RUNX2: variants seen among roughly 807,000 people sequenced by gnomAD.
RUNX2 encodes the protein runt-related transcription factor 2.
In RUNX2, 10 loss-of-function variants were observed where a neutral mutation model predicts 51.7. The ratio of observed to expected loss-of-function variants is 0.19; its 90% CI spans 0.12 to 0.33. RUNX2 has a LOEUF of 0.33. RUNX2 is among the 10% of genes least tolerant of loss of function. The pLI, the probability that RUNX2 is intolerant of heterozygous loss-of-function variation, is 1.00. For synonymous variants in RUNX2, 276 were observed against 273.6 expected, an observed-to-expected ratio of 1.01 and a Z score of -0.09; for missense variants, 562 against 691.3, an observed-to-expected ratio of 0.81 and a Z score of 2.10.
chr6:45,356,582 G>A (rs1268679656), intron 2 of RUNX2, among the ~76,000 whole-genome samples: 1 of 151,310 alleles, frequency 6.6e-6, no homozygotes, highest in Non-Finnish European at 1.5e-5. Flanking sequence ...TTTTTTTTTA[G>A]TAGAGACAGG....
intron 5 of RUNX2, among the ~76,000 whole-genome samples, chr6:45,449,275 C>T (rs1799089397): frequency 6.6e-6 from 1 of 152,158 alleles, no homozygotes. Context: ...GGGAGTAACT[C>T]CTAAGGAATG....
chr6:45,454,367 G>C (rs997774011), intron 5 of RUNX2, among the ~76,000 whole-genome samples: 7 of 152,192 alleles, frequency 4.6e-5, no homozygotes, highest in Non-Finnish European at 2.9e-5. Flanking sequence ...GACACTGAAG[G>C]ATGAAATGTA....
Position 45,546,985 on chromosome 6 carries a change from A to G in RUNX2, c.1246A>G (p.Thr416Ala). 4 of 1,613,406 alleles carry G rather than the reference A, an allele frequency of 2.5e-6. No individual in the cohort carries two copies. The highest frequency in any genetic ancestry group is 3.4e-6 in the Non-Finnish European group (4 of 1,179,858). ...CATGTCCCTCGGTATGTCCGCCACC[A>G]CTCACTACCACACCTACCTGCCACC... Reference protein sequence around the residue: ...SGMSLGMSATTHYHTYLPPPY... With the variant: ...SGMSLGMSATAHYHTYLPPPY... Residue 416 changes from threonine to alanine, a missense_variant, in exon 9 of 9, where the codon ACT (threonine) becomes GCT (alanine). By Grantham distance (58) the Thr-to-Ala change is moderately conservative. Coordinates refer to ENST00000647337, the MANE Select transcript of RUNX2 (RefSeq NM_001024630.4).
intron 2 of RUNX2, among the ~76,000 whole-genome samples, chr6:45,339,680 T>C (rs1789353541): frequency 6.6e-6 from 1 of 152,154 alleles, no homozygotes; most frequent in Non-Finnish European, 1.5e-5. Context: ...TCTATTAGGT[T>C]CAAATAGCTA....
chr6:45,341,564 C>T (rs1364389761), intron 2 of RUNX2, among the ~76,000 whole-genome samples: 1 of 152,136 alleles, frequency 6.6e-6, no homozygotes, highest in Admixed American at 6.6e-5. Flanking sequence ...TCATTAGAAA[C>T]ATCCACTGAA....
At chr6:45,352,295 C>T (rs1251582554) in intron 2 of RUNX2, among the ~76,000 whole-genome samples, 1 of 152,110 alleles carries the variant, frequency 6.6e-6, no homozygotes. Flanking sequence ...GCAAACCCCT[C>T]TCAAAACTGA....
chr6:45,487,233 C>T (rs1563107795), intron 5 of RUNX2, among the ~76,000 whole-genome samples: 3 of 152,092 alleles, frequency 2.0e-5, no homozygotes, highest in Admixed American at 1.3e-4. Flanking sequence ...CTATTATGAG[C>T]TGAAATAAGC....
At chr6:45,508,025 C>T (rs369696105) in intron 6 of RUNX2, among the ~76,000 whole-genome samples, 52 of 151,978 alleles carry the variant, frequency 3.4e-4, no homozygotes, top group Admixed American at 7.2e-4. Flanking sequence ...ATCTTAGATA[C>T]GTAATTTGTC....
rs146709154 is a variant in RUNX2, at chr6:45,415,292, A to G, written c.59-7301A>G. On this transcript the variant is annotated intron_variant, in intron 2 of 8. Coordinates refer to ENST00000647337, the MANE Select transcript of RUNX2 (RefSeq NM_001024630.4). ...GGAAGAACTAAAAATAACTCTAAAG[A>G]ATACAGGAATAACAGCATCCACTAC... Among the ~76,000 whole-genome samples the G allele has an allele frequency of 1.1e-4, 16 of 152,344 alleles. No homozygotes were observed. In the East Asian group the frequency reaches 2.3e-3, roughly 22 times the overall value.
At chr6:45,460,159 A>G (rs902548983) in intron 5 of RUNX2, among the ~76,000 whole-genome samples, 5 of 152,216 alleles carry the variant, frequency 3.3e-5, no homozygotes, top group African/African-American at 1.2e-4. Context: ...AAATAATTTT[A>G]GATAGAGAAG....
chr6:45,430,242 C>A (rs1374234716), intron 3 of RUNX2, among the ~76,000 whole-genome samples: 1 of 152,124 alleles, frequency 6.6e-6, no homozygotes, highest in Admixed American at 6.5e-5. Flanking sequence ...AGGAGTGAGT[C>A]CCTCAGCTTT....
intron 2 of RUNX2, among the ~76,000 whole-genome samples, chr6:45,419,588 G>A (rs1798135064): frequency 1.3e-5 from 2 of 152,314 alleles, no homozygotes; most frequent in Non-Finnish European, 2.9e-5. Context: ...CTTTTTTGAG[G>A]CGAAAGCCTG....
At chr6:45,476,989 T>A (rs1319859840) in intron 5 of RUNX2, among the ~76,000 whole-genome samples, 1 of 152,128 alleles carries the variant, frequency 6.6e-6, no homozygotes, top group Non-Finnish European at 1.5e-5. Context: ...GCATGAGGAA[T>A]GGGTATGGAA....
At chr6:45,338,643 C>T (rs1478862835) in intron 2 of RUNX2, among the ~76,000 whole-genome samples, 1 of 152,040 alleles carries the variant, frequency 6.6e-6, no homozygotes, top group African/African-American at 2.4e-5. Flanking sequence ...TACTATCTTT[C>T]TCAAATAGTT....
intron 2 of RUNX2, among the ~76,000 whole-genome samples, chr6:45,391,876 C>T (rs1333265135): frequency 6.6e-6 from 1 of 152,096 alleles, no homozygotes; most frequent in Non-Finnish European, 1.5e-5. Flanking sequence ...GGACACAAAG[C>T]CTAAATGTAT....
At chr6:45,441,100 G>A (rs1798829655) in intron 5 of RUNX2, among the ~76,000 whole-genome samples, 1 of 152,144 alleles carries the variant, frequency 6.6e-6, no homozygotes, top group Non-Finnish European at 1.5e-5. Context: ...ATATGCAATT[G>A]TTTAGCCTCC....
chr6:45,416,347 G>T (rs1050655642), intron 2 of RUNX2, among the ~76,000 whole-genome samples: 2 of 152,168 alleles, frequency 1.3e-5, no homozygotes, highest in Non-Finnish European at 2.9e-5. Flanking sequence ...TGATGGCAGG[G>T]TGTAGGGAGG....
At chr6:45,531,543 A>C (rs1292860256) in intron 7 of RUNX2, among the ~76,000 whole-genome samples, 1 of 152,162 alleles carries the variant, frequency 6.6e-6, no homozygotes, top group Non-Finnish European at 1.5e-5. Flanking sequence ...TCACAAGGTC[A>C]AGAGATCGAG....
intron 2 of RUNX2, among the ~76,000 whole-genome samples, chr6:45,410,126 G>T (rs967169725): frequency 6.6e-6 from 1 of 152,136 alleles, no homozygotes; most frequent in Non-Finnish European, 1.5e-5. Flanking sequence ...ACATGAAGGG[G>T]TTTTGTATGA....
Sources: allele counts gnomAD v4.1 joint callset (sites outside exome capture counted in the v4.1 genomes callset), GRCh38; gene constraint gnomAD v4.1.1; transcripts MANE v1.5; gene names NCBI Gene and HGNC (gene_info 2026-07-23, HGNC 2026-07-21).